The following TCF7L2 variants were observed in gnomAD, a reference collection of about 807,000 sequenced individuals.
TCF7L2 encodes the protein transcription factor 7 like 2.
A neutral mutation model predicts 77.9 loss-of-function variants in TCF7L2; 23 were observed. That is an observed-to-expected ratio of 0.30 (90% CI 0.21 to 0.42). TCF7L2 has a LOEUF of 0.42. Ranked by LOEUF, TCF7L2 falls within the 10% of genes least tolerant of loss-of-function variation. The probability of loss-of-function intolerance (pLI) is 1.00; values close to 1 mark genes in which losing one functional copy is unlikely to be tolerated. For synonymous variants in TCF7L2, 413 were observed against 340.2 expected (o/e 1.21, Z -2.36); for missense variants, 654 against 793.1 (o/e 0.82, Z 2.11).
intron 5 of TCF7L2, chr10:113,125,708 G>C (rs1000087695): frequency 6.6e-6 from 1 of 152,200 alleles, no homozygotes; most frequent in Middle Eastern, 3.2e-3. Flanking sequence ...CATCAGAGCT[G>C]CGCAAGGTGG....
chr10:113,021,082 C>T lies in TCF7L2; in HGVS notation c.451-18943C>T, dbSNP rs1025472644. ...AGTGCTGGCATCAATAAATATTTGT[C>T]GAATGTTAAATGAGGCTTAAAGAGA... On this transcript the variant is annotated intron_variant, in intron 4 of 13. Transcript: ENST00000627217. Among the ~76,000 whole-genome samples, 8 of 152,110 alleles carry T rather than the reference C, an allele frequency of 5.3e-5. No individual in the cohort carries two copies. In the South Asian group the frequency reaches 6.2e-4, roughly 12 times the overall value.
intron 3 of TCF7L2, 121 bp downstream of exon 3, chr10:112,951,728 C>T (rs2031502435): frequency 5.4e-6 from 2 of 369,008 alleles, no homozygotes; most frequent in Non-Finnish European, 7.6e-6. Context: ...CCTCCCCTCC[C>T]TCCCTCCCCT....
At chr10:113,130,115 A>G (rs1018296461) in intron 5 of TCF7L2, 1 of 782,452 alleles carries the variant, frequency 1.3e-6, no homozygotes, top group Non-Finnish European at 1.6e-6. Context: ...AGGAAAAAAC[A>G]AAACAAGAAT....
In TCF7L2 at chr10:112,951,250, A is replaced by C; in HGVS notation, c.233A>C (p.Lys78Thr). Residue 78 changes from lysine (K) to threonine (T), a missense_variant, in exon 2 of 14, where the codon AAA (lysine) becomes ACA (threonine). Around this residue, in one of 6 missense-constraint regions of TCF7L2, gnomAD observed 132 missense variants for 123.7 expected, o/e 1.07. Transcript: ENST00000627217. ...CCTCGCTCCGAAAGTTTCCGAGACA[A>C]ATCCCGGGAAAGTTTGGAAGAAGGT... is the stretch of plus-strand genomic sequence containing the variant. The C allele has an allele frequency of 1.3e-6, 2 of 1,565,368 alleles. No individual in the cohort carries two copies. The highest frequency in any genetic ancestry group is 1.2e-5 in the South Asian group (1 of 86,662).
At chr10:113,053,542 G>A (rs545397494) in intron 5 of TCF7L2, among the ~76,000 whole-genome samples, 2 of 152,108 alleles carry the variant, frequency 1.3e-5, no homozygotes, top group Non-Finnish European at 1.5e-5. Flanking sequence ...ATGATAGACC[G>A]GAGCTTTGGT....
chr10:113,107,786 A>AAAAAAAAAAAT, intron 5 of TCF7L2, among the ~76,000 whole-genome samples: 2 of 150,502 alleles, frequency 1.3e-5, no homozygotes, highest in Non-Finnish European at 3.0e-5. Flanking sequence ...ACAACAAAAA[A>AAAAAAAAAAAT]ATCAAGGTAC....
chr10:113,017,009 C>G (rs1353045910), intron 4 of TCF7L2, among the ~76,000 whole-genome samples: 1 of 152,164 alleles, frequency 6.6e-6, no homozygotes, highest in African/African-American at 2.4e-5. Context: ...AAAGAGCCCC[C>G]AGCAAGCAGA....
Position 113,166,034 on chromosome 10 carries a change from C to T in TCF7L2, c.*62C>T, listed in dbSNP as rs542131424. 150 of 1,397,956 alleles carry T rather than the reference C, an allele frequency of 1.1e-4. No individual in the cohort carries two copies. Among genetic ancestry groups the T allele is most frequent in the Non-Finnish European group, 1.3e-4 (136 of 1,065,426 alleles). 86.6% of individuals were successfully genotyped at this position (1,397,956 alleles called of 1,614,324 possible). ...TTTGTTTCACTTTTCTTAATTTGCC[C>T]CCCACCCCCACCTTGAAAGGTTTTG... On this transcript the variant is annotated 3_prime_UTR_variant, in exon 14 of 14. Transcript: ENST00000627217.
At chr10:112,967,462 G>A (rs539292393) in intron 4 of TCF7L2, among the ~76,000 whole-genome samples, 3 of 152,162 alleles carry the variant, frequency 2.0e-5, no homozygotes, top group Admixed American at 6.6e-5. Flanking sequence ...TGATTCTATA[G>A]ACACGTCACT....
intron 5 of TCF7L2, chr10:113,132,098 T>G (rs1204094492): frequency 2.0e-5 from 3 of 152,264 alleles, no homozygotes; most frequent in Non-Finnish European, 4.4e-5. Flanking sequence ...AGTTCTGCCT[T>G]TGTGTTCGTC....
chr10:113,103,764 A>G (rs1412806434), intron 5 of TCF7L2, among the ~76,000 whole-genome samples: 1 of 152,160 alleles, frequency 6.6e-6, no homozygotes, highest in East Asian at 1.9e-4. Flanking sequence ...ATATTTGCAC[A>G]GTGTGTGGTC....
intron 4 of TCF7L2, among the ~76,000 whole-genome samples, chr10:112,988,816 T>C (rs1340437375): frequency 6.6e-6 from 1 of 152,174 alleles, no homozygotes; most frequent in Non-Finnish European, 1.5e-5. Context: ...GAAAAAAGAA[T>C]AGGTGTTTTT....
At chr10:113,141,033 C>T in intron 5 of TCF7L2, 151 bp from the exon 6 acceptor site, 1 of 882,680 alleles carries the variant, frequency 1.1e-6, no homozygotes, top group Non-Finnish European at 1.7e-6. Flanking sequence ...TTCACATGGA[C>T]TGGGGGGAGT....
intron 4 of TCF7L2, among the ~76,000 whole-genome samples, chr10:113,018,980 C>T (rs556394005): frequency 1.3e-5 from 2 of 152,120 alleles, no homozygotes; most frequent in African/African-American, 2.4e-5. Flanking sequence ...ACCCAAGCAG[C>T]GTCCAGAGGG....
chr10:113,096,686 C>T (rs921321129), intron 5 of TCF7L2, among the ~76,000 whole-genome samples: 2 of 152,132 alleles, frequency 1.3e-5, no homozygotes, highest in Non-Finnish European at 2.9e-5. Context: ...GCAGCCACAC[C>T]CTTTTAGATT....
intron 5 of TCF7L2, among the ~76,000 whole-genome samples, chr10:113,064,270 C>T (rs774644369): frequency 7.2e-5 from 11 of 152,174 alleles, no homozygotes; most frequent in Non-Finnish European, 1.3e-4. Flanking sequence ...AGGGGCCAGG[C>T]CCAAATGGTG....
chr10:113,018,122 G>A (rs1279535891), intron 4 of TCF7L2, among the ~76,000 whole-genome samples: 6 of 152,150 alleles, frequency 3.9e-5, no homozygotes, highest in Non-Finnish European at 5.9e-5. Context: ...ATCACTGACT[G>A]TTGAGGTAAC....
At chr10:113,164,833 T>C (rs1258847031) in intron 13 of TCF7L2, among the ~76,000 whole-genome samples, 1 of 152,104 alleles carries the variant, frequency 6.6e-6, no homozygotes, top group African/African-American at 2.4e-5. Context: ...TCCTCCCTTC[T>C]CACCTGATTC....
intron 3 of TCF7L2, among the ~76,000 whole-genome samples, chr10:112,960,868 T>C (rs778959341): frequency 3.3e-5 from 5 of 151,882 alleles, no homozygotes; most frequent in Non-Finnish European, 7.4e-5. Flanking sequence ...TATTTTTGTA[T>C]TTTTAGTGGA....
Sources: gnomAD v4.1 joint callset for allele counts (sites outside exome capture counted in the v4.1 genomes callset) on GRCh38, gnomAD v4.1.1 for gene constraint, gnomAD v4.1.1 regional missense constraint, MANE v1.5 for transcripts, NCBI Gene and HGNC (gene_info 2026-07-23, HGNC 2026-07-21) for gene names.